The following MAGI3 variants were observed in gnomAD, a reference collection of about 807,000 sequenced individuals.
MAGI3 encodes the protein membrane associated guanylate kinase, WW and PDZ domain containing 3.
Under a neutral mutation model 121.8 loss-of-function variants are expected in MAGI3, and 43 were observed. That is an observed-to-expected ratio of 0.35 (90% confidence interval 0.28 to 0.46). MAGI3 has a LOEUF of 0.46. Among genes scored for constraint, MAGI3 ranks in the 20% least tolerant of loss-of-function variants. The probability of loss-of-function intolerance (pLI) is 1.00; values close to 1 mark genes in which losing one functional copy is unlikely to be tolerated. For missense variants in MAGI3, 1,547 were observed against 1,797.3 expected, an observed-to-expected ratio of 0.86 and a Z score of 2.52; for synonymous variants, 553 against 639.3, an observed-to-expected ratio of 0.86 and a Z score of 2.04.
At chr1:113,419,916 G>A (rs1441595415) in intron 1 of MAGI3, among the ~76,000 whole-genome samples, 2 of 152,102 alleles carry the variant, frequency 1.3e-5, no homozygotes, top group Non-Finnish European at 2.9e-5. Flanking sequence ...CATCTTCAGA[G>A]CGTTATCAGT....
intron 4 of MAGI3, 48 bp from the exon 5 acceptor site, chr1:113,590,436 A>T: frequency 6.3e-7 from 1 of 1,585,908 alleles, no homozygotes. Flanking sequence ...TTGAAGAAGA[A>T]TATAACTTTA....
intron 1 of MAGI3, among the ~76,000 whole-genome samples, chr1:113,418,381 A>G (rs1424043291): frequency 6.6e-6 from 1 of 152,088 alleles, no homozygotes; most frequent in Admixed American, 6.5e-5. Context: ...TTCTCTGAAC[A>G]TGCTTTTTGC....
At chr1:113,402,483 C>T (rs1190405334) in intron 1 of MAGI3, among the ~76,000 whole-genome samples, 1 of 152,040 alleles carries the variant, frequency 6.6e-6, no homozygotes, top group Non-Finnish European at 1.5e-5. Flanking sequence ...TTTTTCCTAT[C>T]GGAGATTCTT....
chr1:113,478,303 T>G (rs573956703), intron 1 of MAGI3, among the ~76,000 whole-genome samples: 2 of 152,202 alleles, frequency 1.3e-5, no homozygotes, highest in East Asian at 1.9e-4. Flanking sequence ...TTGGAGGAGA[T>G]GAGGTGCTCT....
intron 1 of MAGI3, among the ~76,000 whole-genome samples, chr1:113,410,556 C>G (rs759378237): frequency 2.0e-5 from 3 of 152,010 alleles, no homozygotes; most frequent in Admixed American, 1.3e-4. Context: ...AGAGCTCTTA[C>G]ATTTTTCATA....
At position 113,509,122 on chromosome 1, in the gene MAGI3, G is replaced by T. The variant is rs181744954; in HGVS notation, c.317-40393G>T. Among the ~76,000 whole-genome samples the T allele has an allele frequency of 3.2e-3, 479 of 151,776 alleles. 3 individuals carry two copies. The highest frequency in any genetic ancestry group is 0.011 in the African/African-American group (440 of 41,410). On this transcript the variant is annotated intron_variant, in intron 1 of 20. Coordinates refer to ENST00000307546, the MANE Select transcript of MAGI3 (RefSeq NM_001142782.2). ...GCTTGATATAAGGGTTTGTTTTTTT[G>T]TTGTTGTTGTTCTTAAATTACCATT...
intron 1 of MAGI3, among the ~76,000 whole-genome samples, chr1:113,453,787 T>C (rs1654605047): frequency 6.6e-6 from 1 of 152,216 alleles, no homozygotes. Context: ...CTTTAAACAA[T>C]AATACTTGGT....
In MAGI3 at chr1:113,536,999, A is replaced by G. The variant is rs374109682; in HGVS notation, c.317-12516A>G. Among the ~76,000 whole-genome samples, 267 of 152,246 alleles carry G rather than the reference A, an allele frequency of 1.8e-3. 9 individuals are homozygous for G. In the South Asian group the frequency reaches 0.054, roughly 31 times the overall value. On this transcript the variant is annotated intron_variant, in intron 1 of 20. Coordinates refer to ENST00000307546, the MANE Select transcript of MAGI3 (RefSeq NM_001142782.2). ...TTCTCCACACAAAGTTACTTTTTTA[A>G]TATGCCAGTCTAATTTTCTTACTTC...
intron 9 of MAGI3, among the ~76,000 whole-genome samples, chr1:113,630,847 G>T (rs1016992511): frequency 6.6e-6 from 1 of 152,106 alleles, no homozygotes; most frequent in South Asian, 2.1e-4. Context: ...CTGGTGTCTC[G>T]TAGGTTGCAG....
At chr1:113,461,522 T>C (rs1655035614) in intron 1 of MAGI3, among the ~76,000 whole-genome samples, 2 of 152,208 alleles carry the variant, frequency 1.3e-5, no homozygotes, top group Admixed American at 1.3e-4. Context: ...GCTAGCCATA[T>C]GCAGAAGATT....
intron 1 of MAGI3, among the ~76,000 whole-genome samples, chr1:113,538,205 A>G (rs1423493210): frequency 6.6e-6 from 1 of 152,224 alleles, no homozygotes; most frequent in Non-Finnish European, 1.5e-5. Context: ...TTTTGGGTCA[A>G]TATTCCCTTT....
At chr1:113,530,820 G>A (rs1312066382) in intron 1 of MAGI3, among the ~76,000 whole-genome samples, 2 of 152,192 alleles carry the variant, frequency 1.3e-5, no homozygotes, top group Non-Finnish European at 2.9e-5. Context: ...CGAAGCTGAG[G>A]TGGGAGGATT....
At chr1:113,496,766 G>C (rs1332605246) in intron 1 of MAGI3, among the ~76,000 whole-genome samples, 1 of 152,096 alleles carries the variant, frequency 6.6e-6, no homozygotes, top group Non-Finnish European at 1.5e-5. Flanking sequence ...GAATAGTACC[G>C]ATTACCAAAG....
At chr1:113,550,970 AAG>A (rs201910489) in intron 2 of MAGI3, among the ~76,000 whole-genome samples, 9,854 of 118,284 alleles carry the variant, frequency 0.083, 357 homozygotes, top group Non-Finnish European at 0.097. Flanking sequence ...AAAAAAAAAA[AAG>A]AAGAAGAAGA....
rs910399996 is a variant in MAGI3 at position 113,604,348 on chromosome 1, C to G, written c.1018+9788C>G. On this transcript the variant is annotated intron_variant, in intron 6 of 20. Transcript: ENST00000307546. ...CTTTGGGAGGCTGAGGCGGGCAGAT[C>G]ACAAGGTCAAGAGATCAAGACCATC... 1.4e-4 allele frequency among the ~76,000 whole-genome samples: 22 copies of G among 151,984 alleles called. No homozygotes were observed. In the East Asian group the frequency reaches 4.3e-3, roughly 29 times the overall value.
At chr1:113,452,589 C>T (rs758907270) in intron 1 of MAGI3, among the ~76,000 whole-genome samples, 17 of 151,924 alleles carry the variant, frequency 1.1e-4, no homozygotes, top group Non-Finnish European at 2.2e-4. Context: ...TGAGTTTGCA[C>T]TGACAATAAA....
At chr1:113,438,194 G>A (rs1459305974) in intron 1 of MAGI3, among the ~76,000 whole-genome samples, 1 of 151,956 alleles carries the variant, frequency 6.6e-6, no homozygotes, top group Non-Finnish European at 1.5e-5. Flanking sequence ...TAAGCAACAA[G>A]CCCCCTTCTC....
Position 113,613,609 on chromosome 1 carries a change from T to C in MAGI3, c.1019-992T>C, listed in dbSNP as rs72688000. Among the ~76,000 whole-genome samples, 879 of 152,280 alleles carry C rather than the reference T, an allele frequency of 5.8e-3. 2 individuals carry two copies. The highest frequency in any genetic ancestry group is 0.026 in the South Asian group (124 of 4,826). ...TGCTGTCCAGCGTACTTTTTGTGTG[T>C]GTGTCTTTCAGCAGAGCAGAAGCAT... is the stretch of plus-strand genomic sequence containing the variant. On this transcript the variant is annotated intron_variant, in intron 6 of 20. Transcript: ENST00000307546.
At chr1:113,659,374 G>A in intron 16 of MAGI3, 109 bp downstream of exon 16, 1 of 506,572 alleles carries the variant, frequency 2.0e-6, no homozygotes, top group Non-Finnish European at 3.2e-6. Flanking sequence ...GGATATAACT[G>A]TGTATGCACG....
Sources: allele counts gnomAD v4.1 joint callset (sites outside exome capture counted in the v4.1 genomes callset), GRCh38; gene constraint gnomAD v4.1.1; transcripts MANE v1.5; gene names NCBI Gene and HGNC (gene_info 2026-07-23, HGNC 2026-07-21).